Variants in RPS6KC1 observed in about 807,000 individuals in gnomAD.
RPS6KC1 encodes the protein inactive ribosomal protein S6 kinase delta-1.
A neutral mutation model predicts 103.8 loss-of-function variants in RPS6KC1; 54 were observed. The observed-to-expected ratio is 0.52, with a 90% CI of 0.42 to 0.65. The LOEUF is 0.65. Ranked by LOEUF, RPS6KC1 falls within the 30% of genes least tolerant of loss-of-function variation. The pLI is 0.00. For missense variants in RPS6KC1, 1,151 were observed against 1,253.8 expected (o/e 0.92, Z 1.24); for synonymous variants, 439 against 438.7 (o/e 1.00, Z -0.01).
chr1:213,674,339 G>A, the RPS6KC1 span, among the ~76,000 whole-genome samples: 2 of 152,130 alleles, frequency 1.3e-5, no homozygotes, highest in Non-Finnish European at 2.9e-5. Flanking sequence ...TTATGTTTAT[G>A]AGTACCCAAT....
the RPS6KC1 span, among the ~76,000 whole-genome samples, chr1:213,541,939 G>A: frequency 6.6e-6 from 1 of 152,208 alleles, no homozygotes; most frequent in South Asian, 2.1e-4. Context: ...TCGTGGAGGA[G>A]TTCCTGAGCC....
At chr1:213,381,379 C>T in the RPS6KC1 span, among the ~76,000 whole-genome samples, 384 of 152,046 alleles carry the variant, frequency 2.5e-3, 1 homozygote, top group African/African-American at 9.0e-3. Context: ...GCTTATGGGG[C>T]CAACCTTATG....
intron 8 of RPS6KC1, among the ~76,000 whole-genome samples, chr1:213,208,919 A>G (rs926058387): frequency 2.6e-5 from 4 of 151,934 alleles, no homozygotes; most frequent in Non-Finnish European, 5.9e-5. Flanking sequence ...ATTTCAGGAT[A>G]TACTTAAAAT....
chr1:213,607,872 T>A, the RPS6KC1 span, among the ~76,000 whole-genome samples: 1 of 152,226 alleles, frequency 6.6e-6, no homozygotes. Flanking sequence ...TGGCTGGACC[T>A]GCCTGACTTT....
the RPS6KC1 span, among the ~76,000 whole-genome samples, chr1:213,652,841 C>T: frequency 6.6e-6 from 1 of 152,134 alleles, no homozygotes; most frequent in Non-Finnish European, 1.5e-5. Context: ...GCAAAATCAG[C>T]AGGGAGACCA....
the RPS6KC1 span, among the ~76,000 whole-genome samples, chr1:213,728,822 T>G: frequency 1.3e-5 from 2 of 152,018 alleles, no homozygotes; most frequent in Admixed American, 1.3e-4. Flanking sequence ...GCTCCTCCGC[T>G]GTGCCTCGGG....
the RPS6KC1 span, among the ~76,000 whole-genome samples, chr1:213,836,820 T>C: frequency 2.5e-4 from 38 of 152,206 alleles, no homozygotes; most frequent in Non-Finnish European, 4.6e-4. Flanking sequence ...TATAGCTCAC[T>C]AACGTGTCAG....
chr1:213,731,087 G>T, the RPS6KC1 span, among the ~76,000 whole-genome samples: 2 of 152,092 alleles, frequency 1.3e-5, no homozygotes, highest in African/African-American at 4.8e-5. Flanking sequence ...TAGGTATGCA[G>T]TCTTATTTCT....
chr1:213,774,134 T>TTG, the RPS6KC1 span, among the ~76,000 whole-genome samples: 1 of 152,194 alleles, frequency 6.6e-6, no homozygotes, highest in Non-Finnish European at 1.5e-5. Context: ...CTGCCCTGTT[T>TTG]GGGGGGCATG....
the RPS6KC1 span, among the ~76,000 whole-genome samples, chr1:213,837,519 A>G: frequency 6.6e-6 from 1 of 152,210 alleles, no homozygotes; most frequent in Non-Finnish European, 1.5e-5. Flanking sequence ...AAAATGTTTC[A>G]TAACTGTACC....
At chr1:213,739,095 C>G in the RPS6KC1 span, among the ~76,000 whole-genome samples, 1 of 152,008 alleles carries the variant, frequency 6.6e-6, no homozygotes. Flanking sequence ...AGGATTTTCT[C>G]CCACCTCTGC....
At chr1:213,093,298 C>T (rs771191413) in intron 3 of RPS6KC1, among the ~76,000 whole-genome samples, 4 of 151,690 alleles carry the variant, frequency 2.6e-5, no homozygotes, top group African/African-American at 4.9e-5. Flanking sequence ...GAAACCTCCA[C>T]CTCCCGGGTT....
chr1:213,140,173 A>C (rs1351971299), intron 6 of RPS6KC1, among the ~76,000 whole-genome samples: 1 of 152,044 alleles, frequency 6.6e-6, no homozygotes, highest in African/African-American at 2.4e-5. Context: ...AAATGCTACT[A>C]ATTTTTGTGC....
At chr1:213,542,396 G>C in the RPS6KC1 span, among the ~76,000 whole-genome samples, 2 of 152,222 alleles carry the variant, frequency 1.3e-5, no homozygotes, top group African/African-American at 4.8e-5. Context: ...CAAGGACAGA[G>C]CCAGTGTCCC....
the RPS6KC1 span, among the ~76,000 whole-genome samples, chr1:213,638,297 T>G: frequency 3.3e-5 from 5 of 152,280 alleles, no homozygotes; most frequent in East Asian, 9.6e-4. Context: ...GAATTGTGAT[T>G]TGCAAATATT....
intron 12 of RPS6KC1, among the ~76,000 whole-genome samples, chr1:213,252,641 G>GT (rs1573614599): frequency 6.6e-6 from 1 of 151,876 alleles, no homozygotes; most frequent in South Asian, 2.1e-4. Flanking sequence ...GTTCCTTATG[G>GT]TTTTTTTCCC....
At chr1:213,403,716 C>G in the RPS6KC1 span, among the ~76,000 whole-genome samples, 1 of 152,142 alleles carries the variant, frequency 6.6e-6, no homozygotes, top group Non-Finnish European at 1.5e-5. Flanking sequence ...ATATGTCAAT[C>G]AAGATGGAGG....
intron 14 of RPS6KC1, among the ~76,000 whole-genome samples, chr1:213,265,127 G>C (rs1009262157): frequency 6.6e-6 from 1 of 152,156 alleles, no homozygotes; most frequent in Non-Finnish European, 1.5e-5. Flanking sequence ...AAGGAGGTTG[G>C]CAGCTGCTGT....
At chr1:213,769,066 G>A in the RPS6KC1 span, among the ~76,000 whole-genome samples, 1 of 152,254 alleles carries the variant, frequency 6.6e-6, no homozygotes, top group South Asian at 2.1e-4. Context: ...AAATAAAAAG[G>A]CAGCAATTCT....
Sources: allele counts gnomAD v4.1 joint callset (sites outside exome capture counted in the v4.1 genomes callset), GRCh38; gene constraint gnomAD v4.1.1; transcripts MANE v1.5; gene names NCBI Gene and HGNC (gene_info 2026-07-23, HGNC 2026-07-21).